CTNNA2: variants seen among roughly 807,000 people sequenced by gnomAD.
CTNNA2 encodes the protein catenin alpha 2.
CTNNA2 carries 42 observed loss-of-function variants against 101.0 expected under a neutral mutation model. That is an observed-to-expected ratio of 0.42 (90% CI 0.32 to 0.54). CTNNA2 has a LOEUF of 0.54. Ranked by LOEUF, CTNNA2 falls within the 20% of genes least tolerant of loss-of-function variation. CTNNA2 has a pLI of 0.14. For missense variants in CTNNA2, 871 were observed against 1,223.1 expected, an observed-to-expected ratio of 0.71 and a Z score of 4.29; for synonymous variants, 450 against 456.4, an observed-to-expected ratio of 0.99 and a Z score of 0.18.
At chr2:79,702,739 T>C (rs935942261) in intron 2 of CTNNA2, among the ~76,000 whole-genome samples, 7 of 152,220 alleles carry the variant, frequency 4.6e-5, no homozygotes, top group Admixed American at 3.9e-4. Context: ...TCAGCAGTCA[T>C]AGCATTTATA....
intron 4 of CTNNA2, among the ~76,000 whole-genome samples, chr2:79,434,013 G>T (rs1376546779): frequency 6.6e-6 from 1 of 152,080 alleles, no homozygotes; most frequent in Non-Finnish European, 1.5e-5. Context: ...GAGGTTTAAG[G>T]CCTGGCGCAG....
intron 9 of CTNNA2, among the ~76,000 whole-genome samples, chr2:80,431,856 C>A (rs1681551250): frequency 6.6e-6 from 1 of 152,070 alleles, no homozygotes. Flanking sequence ...CTGTTATTAA[C>A]TGAGACCATC....
chr2:80,372,467 C>T lies in CTNNA2; in HGVS notation c.1057-20744C>T, dbSNP rs17019105. 4.5e-3 allele frequency among the ~76,000 whole-genome samples: 674 copies of T among 150,294 alleles called. 7 individuals are homozygous for T. The highest frequency in any genetic ancestry group is 0.016 in the African/African-American group (651 of 40,956). ...TGTCCTTCCTAAAGAATTAATTGGACTTGAGTGTAGAACCTGGATTTGATC... is the reference window on the plus strand; with the variant it reads ...TGTCCTTCCTAAAGAATTAATTGGATTTGAGTGTAGAACCTGGATTTGATC... On this transcript the variant is annotated intron_variant, in intron 7 of 18. Transcript: ENST00000402739.
At chr2:80,520,312 T>C (rs992814884) in intron 9 of CTNNA2, among the ~76,000 whole-genome samples, 13 of 151,924 alleles carry the variant, frequency 8.6e-5, no homozygotes, top group Admixed American at 2.0e-4. Context: ...CCCCTTTTCA[T>C]TATCAAAAGG....
At chr2:80,315,674 A>G (rs971281505) in intron 7 of CTNNA2, among the ~76,000 whole-genome samples, 1 of 152,218 alleles carries the variant, frequency 6.6e-6, no homozygotes. Context: ...TCTGTTAACT[A>G]AAGCCAATCA....
intron 3 of CTNNA2, among the ~76,000 whole-genome samples, chr2:79,774,394 C>T (rs1281196255): frequency 6.6e-6 from 1 of 152,136 alleles, no homozygotes; most frequent in Non-Finnish European, 1.5e-5. Context: ...GCCATGCCTC[C>T]AGTCATGGGA....
At chr2:79,865,170 A>AT (rs1002008372) in intron 4 of CTNNA2, among the ~76,000 whole-genome samples, 25 of 152,152 alleles carry the variant, frequency 1.6e-4, no homozygotes, top group African/African-American at 5.3e-4. Flanking sequence ...TGATGAAATC[A>AT]TTTTTTTCTT....
At chr2:80,471,667 G>T (rs565174447) in intron 9 of CTNNA2, among the ~76,000 whole-genome samples, 1 of 152,284 alleles carries the variant, frequency 6.6e-6, no homozygotes, top group East Asian at 1.9e-4. Context: ...GGAGCCAGTT[G>T]TTGCAGTCCT....
chr2:79,783,986 G>A (rs191844719), intron 3 of CTNNA2, among the ~76,000 whole-genome samples: 1 of 152,134 alleles, frequency 6.6e-6, no homozygotes, highest in Non-Finnish European at 1.5e-5. Context: ...TTAAACAACT[G>A]TATTTTAGCT....
intron 3 of CTNNA2, among the ~76,000 whole-genome samples, chr2:79,790,100 G>A (rs1393666644): frequency 4.6e-5 from 7 of 152,180 alleles, no homozygotes; most frequent in Admixed American, 1.3e-4. Context: ...TAGTGATGAT[G>A]TAGTCAGCAG....
intron 7 of CTNNA2, among the ~76,000 whole-genome samples, chr2:80,184,254 C>T (rs1705971428): frequency 6.6e-6 from 1 of 151,984 alleles, no homozygotes; most frequent in Non-Finnish European, 1.5e-5. Context: ...GGAAATCAAT[C>T]TTATTAATTT....
At chr2:79,239,321 A>T (rs929570999) in intron 2 of CTNNA2, among the ~76,000 whole-genome samples, 17 of 152,150 alleles carry the variant, frequency 1.1e-4, no homozygotes, top group African/African-American at 3.9e-4. Context: ...CACATCTACA[A>T]CCATCTGATC....
At chr2:79,765,068 A>T (rs1673048972) in intron 3 of CTNNA2, among the ~76,000 whole-genome samples, 1 of 152,218 alleles carries the variant, frequency 6.6e-6, no homozygotes, top group South Asian at 2.1e-4. Flanking sequence ...CAATGGGAGA[A>T]GGGCATCATC....
At chr2:80,111,673 C>G (rs922254875) in intron 7 of CTNNA2, among the ~76,000 whole-genome samples, 1 of 152,134 alleles carries the variant, frequency 6.6e-6, no homozygotes, top group Non-Finnish European at 1.5e-5. Context: ...TCCCAAGTAG[C>G]TGAAACCACA....
chr2:79,934,476 C>G (rs1422026794), intron 7 of CTNNA2, among the ~76,000 whole-genome samples: 1 of 152,180 alleles, frequency 6.6e-6, no homozygotes, highest in East Asian at 1.9e-4. Context: ...TCAAATAAGT[C>G]AATATGATTG....
intron 4 of CTNNA2, among the ~76,000 whole-genome samples, chr2:79,451,390 T>C (rs572587522): frequency 2.0e-5 from 3 of 152,230 alleles, no homozygotes; most frequent in African/African-American, 7.2e-5. Flanking sequence ...TTACATTAAA[T>C]ACATTTCAAT....
intron 1 of CTNNA2, among the ~76,000 whole-genome samples, chr2:79,534,048 A>T (rs1672906596): frequency 1.3e-5 from 2 of 151,750 alleles, no homozygotes; most frequent in South Asian, 4.1e-4. Context: ...CATTTTTCTT[A>T]AAAGAGAAGT....
chr2:80,328,388 T>C (rs997346778), intron 7 of CTNNA2: 1 of 470,910 alleles, frequency 2.1e-6, no homozygotes, highest in Non-Finnish European at 4.4e-6. Context: ...AAAGTGACTC[T>C]CCATAGGGGA....
chr2:79,824,597 G>T (rs2105394419), intron 3 of CTNNA2, among the ~76,000 whole-genome samples: 1 of 152,214 alleles, frequency 6.6e-6, no homozygotes, highest in East Asian at 1.9e-4. Flanking sequence ...AGCTGACATT[G>T]CTTTTTCAAC....
Sources: allele counts gnomAD v4.1 joint callset (sites outside exome capture counted in the v4.1 genomes callset), GRCh38; gene constraint gnomAD v4.1.1; transcripts MANE v1.5; gene names NCBI Gene and HGNC (gene_info 2026-07-23, HGNC 2026-07-21).